The following RSU1 variants were observed in gnomAD, a reference collection of about 807,000 sequenced individuals.
RSU1 encodes the protein rsu-1.
In RSU1, 26 loss-of-function variants were observed where a neutral mutation model predicts 31.1. The observed-to-expected ratio is 0.84, with a 90% CI of 0.61 to 1.16. RSU1 has a LOEUF of 1.16. Among genes scored for constraint, RSU1 ranks in the 50% most tolerant of loss-of-function variants. The pLI, the probability that RSU1 is intolerant of heterozygous loss-of-function variation, is 0.00. For synonymous variants in RSU1, 164 were observed against 136.3 expected (o/e 1.20, Z -1.41); for missense variants, 320 against 339.1 (o/e 0.94, Z 0.44).
intron 8 of RSU1, among the ~76,000 whole-genome samples, chr10:16,691,798 C>T (rs1367642211): frequency 1.4e-5 from 2 of 145,530 alleles, no homozygotes; most frequent in Non-Finnish European, 3.0e-5. Context: ...GCAGTGGCGC[C>T]ATCTATCTCA....
At chr10:16,692,133 G>A (rs1210012119) in intron 8 of RSU1, among the ~76,000 whole-genome samples, 1 of 152,162 alleles carries the variant, frequency 6.6e-6, no homozygotes, top group Non-Finnish European at 1.5e-5. Flanking sequence ...AACAGAAAAA[G>A]TTAGCAGACA....
intron 8 of RSU1, among the ~76,000 whole-genome samples, chr10:16,620,800 G>A (rs7894148): frequency 0.23 from 34,257 of 150,748 alleles, 4,697 homozygotes; most frequent in African/African-American, 0.4. Flanking sequence ...AGCTGAGATC[G>A]CGCCACTGCA....
At chr10:16,800,400 G>T (rs543442115) in intron 2 of RSU1, among the ~76,000 whole-genome samples, 11 of 152,260 alleles carry the variant, frequency 7.2e-5, no homozygotes, top group African/African-American at 2.6e-4. Flanking sequence ...TGAGAGAATT[G>T]AAAGGAAATG....
chr10:16,813,032 C>A (rs1379091269), intron 2 of RSU1, among the ~76,000 whole-genome samples: 1 of 149,492 alleles, frequency 6.7e-6, no homozygotes, highest in Non-Finnish European at 1.5e-5. Context: ...CACCTAGTAA[C>A]ACGATCATAG....
intron 7 of RSU1, among the ~76,000 whole-genome samples, chr10:16,744,518 A>G (rs996112455): frequency 6.6e-6 from 1 of 152,218 alleles, no homozygotes; most frequent in Non-Finnish European, 1.5e-5. Flanking sequence ...CTTAATATGG[A>G]TAAAGAAGTG....
At chr10:16,734,364 T>C (rs1267404541) in intron 7 of RSU1, among the ~76,000 whole-genome samples, 1 of 152,226 alleles carries the variant, frequency 6.6e-6, no homozygotes, top group African/African-American at 2.4e-5. Context: ...TTCATCTGCA[T>C]GTGATTCAGG....
In RSU1 at chr10:16,645,942, ATATATGTG is replaced by A. The variant is rs1834547691; in HGVS notation, c.731+49073_731+49080del. On this transcript the variant is annotated intron_variant, in intron 8 of 8. Coordinates refer to ENST00000345264, the MANE Select transcript of RSU1 (RefSeq NM_012425.4). Reference sequence around the variant, plus strand: ...TATGTGTATATACACATATGTGTATATATATGTGTATATACATATATGTGTATATATAT... The same window carrying A: ...TATGTGTATATACACATATGTGTATATATATACATATATGTGTATATATAT... Among the ~76,000 whole-genome samples the A allele has an allele frequency of 3.4e-4, 22 of 64,938 alleles. 5 individuals are homozygous for A. Among genetic ancestry groups the A allele is most frequent in the African/African-American group, 1.4e-3 (17 of 12,270 alleles). 42.6% of individuals were successfully genotyped at this position (64,938 alleles called of 152,430 possible).
chr10:16,706,602 GAC>G (rs1256868643), intron 7 of RSU1, among the ~76,000 whole-genome samples: 10 of 152,140 alleles, frequency 6.6e-5, no homozygotes, highest in African/African-American at 2.4e-4. Flanking sequence ...AATTTTAATT[GAC>G]ACAGTGGAAT....
chr10:16,705,133 T>C (rs915434609), intron 7 of RSU1, among the ~76,000 whole-genome samples: 5 of 152,222 alleles, frequency 3.3e-5, no homozygotes, highest in Non-Finnish European at 7.3e-5. Flanking sequence ...ATTTTTTCTT[T>C]TGGACTGGCT....
At chr10:16,677,032 A>T (rs1459916527) in intron 8 of RSU1, among the ~76,000 whole-genome samples, 1 of 152,162 alleles carries the variant, frequency 6.6e-6, no homozygotes, top group Non-Finnish European at 1.5e-5. Flanking sequence ...GAGGCCTTGT[A>T]GGAAGCTGAA....
intron 3 of RSU1, among the ~76,000 whole-genome samples, chr10:16,771,308 T>C (rs1837420534): frequency 6.6e-6 from 1 of 152,160 alleles, no homozygotes; most frequent in African/African-American, 2.4e-5. Flanking sequence ...GAAAAACAAG[T>C]GTCCCCCTTT....
rs558003949 is a variant in RSU1 at position 16,703,351 on chromosome 10, G to A, written c.599-8196C>T. ...TACATTGCTGGTTAGAATCCAAACTGGCACCTCTTCTCTGAAAAGCAATCT... is the reference window on the plus strand; with the variant it reads ...TACATTGCTGGTTAGAATCCAAACTAGCACCTCTTCTCTGAAAAGCAATCT... On this transcript the variant is annotated intron_variant, in intron 7 of 8. Coordinates refer to ENST00000345264, the MANE Select transcript of RSU1 (RefSeq NM_012425.4). Among the ~76,000 whole-genome samples the A allele has an allele frequency of 3.3e-5, 5 of 152,262 alleles. No homozygotes were observed. The East Asian group carries it at 9.7e-4, about 29-fold the overall frequency.
intron 3 of RSU1, among the ~76,000 whole-genome samples, chr10:16,771,164 T>C (rs1383608074): frequency 6.6e-6 from 1 of 152,078 alleles, no homozygotes; most frequent in African/African-American, 2.4e-5. Flanking sequence ...CTAGAAAAAT[T>C]ACTAAAAACA....
intron 3 of RSU1, among the ~76,000 whole-genome samples, chr10:16,779,356 T>C (rs1837604125): frequency 6.6e-6 from 1 of 152,226 alleles, no homozygotes; most frequent in Admixed American, 6.5e-5. Flanking sequence ...TTCAGCTTCC[T>C]TGTCGCCTCA....
intron 2 of RSU1, among the ~76,000 whole-genome samples, chr10:16,802,526 A>G (rs1314557451): frequency 6.6e-6 from 1 of 152,178 alleles, no homozygotes; most frequent in Non-Finnish European, 1.5e-5. Flanking sequence ...ATTCTCTACA[A>G]TACCTTTCAC....
chr10:16,650,576 CT>C (rs139231306), intron 8 of RSU1, among the ~76,000 whole-genome samples: 23,320 of 112,142 alleles, frequency 0.21, 1,024 homozygotes, highest in South Asian at 0.29. Flanking sequence ...TCCTGAAAAG[CT>C]TTTTTTTTTT....
Position 16,752,559 on chromosome 10 carries a change from G to A in RSU1, c.578C>T (p.Thr193Ile). 1 of 1,613,924 alleles carries A rather than the reference G, an allele frequency of 6.2e-7. No individual in the cohort carries two copies. The highest frequency in any genetic ancestry group is 8.5e-7 in the Non-Finnish European group (1 of 1,179,800). The change falls in exon 7 of 9, where the codon ACC becomes ATC. Residue 193 changes from threonine to isoleucine, a missense_variant. Physicochemically the swap from Thr to Ile is moderately conservative, Grantham distance 89. Transcript: ENST00000345264. ...KELHIQGNRL[T>I]VLPPELGNLD... is the part of the protein sequence containing the mutation. ...CTTACCTAGTTCTGGGGGCAGAACG[G>A]TGAGGCGGTTCCCCTGAATGTGGAG...
chr10:16,622,652 A>G (rs78491931), intron 8 of RSU1, among the ~76,000 whole-genome samples: 2 of 152,230 alleles, frequency 1.3e-5, no homozygotes, highest in Non-Finnish European at 2.9e-5. Flanking sequence ...AGAGAAAAGC[A>G]TATCAAACTG....
Position 16,784,489 on chromosome 10 carries a change from G to T in RSU1, c.110-2405C>A, listed in dbSNP as rs1012265172. ...GCATCTGATTCTGGGGAGACCTCAG[G>T]GAACTTATGGTGGAAGGCAAAGCTG... On this transcript the variant is annotated intron_variant, in intron 2 of 8. Transcript: ENST00000345264. 2.0e-5 allele frequency among the ~76,000 whole-genome samples: 3 copies of T among 152,168 alleles called. No homozygotes were observed. In the East Asian group the frequency reaches 5.8e-4, roughly 29 times the overall value.
Sources: allele counts gnomAD v4.1 joint callset (sites outside exome capture counted in the v4.1 genomes callset), GRCh38; gene constraint gnomAD v4.1.1; transcripts MANE v1.5; gene names NCBI Gene and HGNC (gene_info 2026-07-23, HGNC 2026-07-21).